ARHGAP19: variants seen among roughly 807,000 people sequenced by gnomAD.
ARHGAP19 encodes the protein Rho GTPase activating protein 19, also known as rho GTPase-activating protein 19.
ARHGAP19 carries 48 observed loss-of-function variants against 60.9 expected under a neutral mutation model. The ratio of observed to expected loss-of-function variants is 0.79; its 90% CI spans 0.62 to 1.00. The LOEUF (loss-of-function observed/expected upper bound fraction) is 1.00. Among genes scored for constraint, ARHGAP19 ranks in the 50% least tolerant of loss-of-function variants. ARHGAP19 has a pLI of 0.00. For missense variants in ARHGAP19, 562 were observed against 597.2 expected (o/e 0.94, Z 0.61); for synonymous variants, 209 against 215.5 (o/e 0.97, Z 0.27).
chr10:97,292,409 G>T (rs1031980325), intron 1 of ARHGAP19, among the ~76,000 whole-genome samples, 163 bp downstream of exon 1: 36 of 152,214 alleles, frequency 2.4e-4, no homozygotes, highest in Admixed American at 3.9e-4. Flanking sequence ...CCAGCGCCCA[G>T]GCCCGACCCC....
chr10:97,243,015 C>A (rs941140418), intron 8 of ARHGAP19, among the ~76,000 whole-genome samples: 3 of 152,152 alleles, frequency 2.0e-5, no homozygotes, highest in African/African-American at 7.2e-5. Context: ...TAGTTTCTAT[C>A]AAGAATTAAA....
intron 4 of ARHGAP19, among the ~76,000 whole-genome samples, chr10:97,260,513 G>C (rs546919233): frequency 2.2e-4 from 33 of 151,598 alleles, no homozygotes; most frequent in African/African-American, 3.6e-4. Flanking sequence ...CTGGGCGACA[G>C]AGCAAGACTC....
At chr10:97,238,545 T>A (rs1051840045) in intron 8 of ARHGAP19, among the ~76,000 whole-genome samples, 1 of 152,290 alleles carries the variant, frequency 6.6e-6, no homozygotes, top group Admixed American at 6.5e-5. Flanking sequence ...TTAAAAAGTA[T>A]TAAAATTTAC....
At chr10:97,292,276 T>G (rs911766809) in intron 1 of ARHGAP19, among the ~76,000 whole-genome samples, 1 of 152,176 alleles carries the variant, frequency 6.6e-6, no homozygotes, top group Non-Finnish European at 1.5e-5. Flanking sequence ...TTCCTCGCCA[T>G]CAAGAGGTGT....
chr10:97,278,968 T>G (rs1843051567), intron 1 of ARHGAP19, among the ~76,000 whole-genome samples: 2 of 152,266 alleles, frequency 1.3e-5, no homozygotes, highest in Non-Finnish European at 2.9e-5. Flanking sequence ...AAATATGAGC[T>G]ATATTTAAAG....
intron 11 of ARHGAP19, among the ~76,000 whole-genome samples, chr10:97,227,090 A>T (rs1350191771): frequency 6.6e-6 from 1 of 152,250 alleles, no homozygotes; most frequent in African/African-American, 2.4e-5. Context: ...ACAAAGCATT[A>T]TCTGAACCAA....
chr10:97,242,056 A>T (rs558941076), intron 8 of ARHGAP19, among the ~76,000 whole-genome samples: 12 of 148,556 alleles, frequency 8.1e-5, no homozygotes, highest in African/African-American at 1.5e-4. Context: ...AATAAATAAA[A>T]AATAAAATGT....
At chr10:97,280,362 T>A (rs1335722133) in intron 1 of ARHGAP19, among the ~76,000 whole-genome samples, 1 of 150,870 alleles carries the variant, frequency 6.6e-6, no homozygotes, top group Non-Finnish European at 1.5e-5. Context: ...TGAGCCGAGA[T>A]CACACCACTG....
intron 9 of ARHGAP19, among the ~76,000 whole-genome samples, chr10:97,234,093 C>A (rs971122160): frequency 1.3e-5 from 2 of 151,762 alleles, no homozygotes; most frequent in African/African-American, 4.8e-5. Context: ...ATGGTGAAAC[C>A]CCCTCTCTAC....
chr10:97,250,216 G>C (rs1589454712), intron 6 of ARHGAP19, among the ~76,000 whole-genome samples: 1 of 152,064 alleles, frequency 6.6e-6, no homozygotes, highest in African/African-American at 2.4e-5. Flanking sequence ...TATATAGAGA[G>C]AGATAAAGCT....
intron 5 of ARHGAP19, 58 bp from the exon 6 acceptor site, chr10:97,256,462 C>T: frequency 8.4e-7 from 1 of 1,192,352 alleles, no homozygotes; most frequent in South Asian, 1.2e-5. Flanking sequence ...GTAGTACTTA[C>T]CAATAAGCCT....
rs1238669657 is a variant in ARHGAP19 at position 97,222,268 on chromosome 10, A to G, written c.*3854T>C. ...ATCGTTTCTTTACAATTACATATAC[A>G]TAGTCAAATAAGAATGAAAACTTTA... On this transcript the variant is annotated 3_prime_UTR_variant, in exon 12 of 12. Coordinates refer to ENST00000358531, the MANE Select transcript of ARHGAP19 (RefSeq NM_032900.6). The G allele has an allele frequency of 1.3e-5, 2 of 152,264 alleles. No homozygotes were observed. Among genetic ancestry groups the G allele is most frequent in the Non-Finnish European group, 2.9e-5 (2 of 68,042 alleles). 9.4% of individuals were successfully genotyped at this position (152,264 alleles called of 1,614,324 possible). A position where few individuals can be genotyped will look rare whatever the true frequency, so the allele number is the denominator to read the frequency against.
chr10:97,229,490 CTAAT>C (rs1433109281), intron 10 of ARHGAP19, among the ~76,000 whole-genome samples: 14 of 152,060 alleles, frequency 9.2e-5, no homozygotes, highest in Admixed American at 9.2e-4. Context: ...CCAGTAAGAA[CTAAT>C]TGCTTCCTCC....
At position 97,246,157 on chromosome 10, in the gene ARHGAP19, T is replaced by C; in HGVS notation, c.993+115A>G. Reference sequence around the variant, plus strand: ...AAAATGACTAAGTAATTTTGAGCTATAATACTAAAACTTATTATTTTCCAT... The same window carrying C: ...AAAATGACTAAGTAATTTTGAGCTACAATACTAAAACTTATTATTTTCCAT... On this transcript the variant is annotated intron_variant, in intron 7 of 11. Coordinates refer to ENST00000358531, the MANE Select transcript of ARHGAP19 (RefSeq NM_032900.6). 3 of 839,166 alleles carry C rather than the reference T, an allele frequency of 3.6e-6. No homozygotes were observed. The South Asian group carries it at 4.8e-5, about 13-fold the overall frequency. 52.0% of individuals were successfully genotyped at this position (839,166 alleles called of 1,614,324 possible). A position where few individuals can be genotyped will look rare whatever the true frequency, so the allele number is the denominator to read the frequency against.
intron 5 of ARHGAP19, among the ~76,000 whole-genome samples, chr10:97,257,615 G>C (rs1015228673): frequency 1.3e-5 from 2 of 151,892 alleles, no homozygotes; most frequent in African/African-American, 4.8e-5. Context: ...TATAACCACA[G>C]TTTGCTCACT....
At chr10:97,267,532 A>T (rs907769680) in intron 1 of ARHGAP19, among the ~76,000 whole-genome samples, 9 of 152,232 alleles carry the variant, frequency 5.9e-5, no homozygotes, top group African/African-American at 1.9e-4. Context: ...CTCCCATCCC[A>T]CATTTCCCTT....
chr10:97,283,742 C>T (rs1387470246), intron 1 of ARHGAP19, among the ~76,000 whole-genome samples: 1 of 151,120 alleles, frequency 6.6e-6, no homozygotes, highest in Admixed American at 6.6e-5. Flanking sequence ...CACCTGTAAT[C>T]CCAGCACTTT....
chr10:97,278,705 G>C (rs190494676), intron 1 of ARHGAP19, among the ~76,000 whole-genome samples: 1 of 151,964 alleles, frequency 6.6e-6, no homozygotes, highest in Non-Finnish European at 1.5e-5. Flanking sequence ...TATGCTCAGT[G>C]AAAGGACTGG....
intron 1 of ARHGAP19, among the ~76,000 whole-genome samples, chr10:97,269,166 A>G (rs1396477635): frequency 1.3e-5 from 2 of 152,200 alleles, no homozygotes; most frequent in African/African-American, 4.8e-5. Context: ...ATTAAATATA[A>G]CTAATCTACA....
Sources: allele counts gnomAD v4.1 joint callset (sites outside exome capture counted in the v4.1 genomes callset), GRCh38; gene constraint gnomAD v4.1.1; transcripts MANE v1.5; gene names NCBI Gene and HGNC (gene_info 2026-07-23, HGNC 2026-07-21).